The following RASA2 variants were observed in gnomAD, a reference collection of about 807,000 sequenced individuals.
RASA2 encodes the protein RAS p21 protein activator 2.
RASA2 carries 155 observed loss-of-function variants against 118.2 expected under a neutral mutation model. The observed-to-expected ratio is 1.31, with a 90% CI of 1.15 to 1.50. The LOEUF is 1.50. RASA2 is among the 40% of genes most tolerant of loss of function. RASA2 has a pLI of 0.00. For missense variants in RASA2, 1,016 were observed against 1,009.6 expected (o/e 1.01, Z -0.09); for synonymous variants, 353 against 349.1 (o/e 1.01, Z -0.12).
chr3:141,609,497 G>A lies in RASA2; in HGVS notation c.2303G>A (p.Ser768Asn). 1 of 1,596,610 alleles carries A rather than the reference G, an allele frequency of 6.3e-7. No homozygotes were observed. Among genetic ancestry groups the A allele is most frequent in the South Asian group, 1.1e-5 (1 of 90,084 alleles). Residue 768 changes from serine to asparagine, a missense_variant, in exon 22 of 24, where the codon AGT becomes AAT. Transcript: ENST00000286364. ...TERIYSLFTL[S>N]LLKLQKMEEA... is the part of the protein sequence containing the mutation. Reference sequence around the variant, plus strand: ...AGAATTTATTCCCTTTTTACCCTCAGTTTACTTAAGCTGCAGAAGATGGAA... The same window carrying A: ...AGAATTTATTCCCTTTTTACCCTCAATTTACTTAAGCTGCAGAAGATGGAA...
chr3:141,589,439 A>G (rs1385915429), intron 19 of RASA2, among the ~76,000 whole-genome samples: 1 of 152,224 alleles, frequency 6.6e-6, no homozygotes, highest in Non-Finnish European at 1.5e-5. Flanking sequence ...ACCTACAAAC[A>G]TAGACAAAAA....
chr3:141,522,630 G>C (rs930290513), intron 3 of RASA2, among the ~76,000 whole-genome samples: 1 of 152,130 alleles, frequency 6.6e-6, no homozygotes, highest in Admixed American at 6.5e-5. Context: ...GAATAGTGAA[G>C]TATAAGTCCT....
chr3:141,497,776 G>A (rs1330474243), intron 1 of RASA2, among the ~76,000 whole-genome samples: 1 of 151,568 alleles, frequency 6.6e-6, no homozygotes. Context: ...GAATGCTGAG[G>A]CCAGAGAATC....
At chr3:141,612,123 T>G (rs1374316244) in intron 23 of RASA2, among the ~76,000 whole-genome samples, 160 bp from the exon 24 acceptor site, 1 of 152,228 alleles carries the variant, frequency 6.6e-6, no homozygotes, top group Non-Finnish European at 1.5e-5. Context: ...GGTCTAAGAT[T>G]GAATAGGTGG....
chr3:141,526,587 A>G (rs2082188234), intron 3 of RASA2, among the ~76,000 whole-genome samples: 1 of 151,790 alleles, frequency 6.6e-6, no homozygotes, highest in South Asian at 2.1e-4. Flanking sequence ...AACTTCAAAT[A>G]TTTTTCTTAA....
chr3:141,535,352 T>C (rs1379838451), intron 4 of RASA2, among the ~76,000 whole-genome samples: 1 of 152,240 alleles, frequency 6.6e-6, no homozygotes, highest in East Asian at 1.9e-4. Context: ...AAGGTATGCC[T>C]GTAAAAACAT....
chr3:141,609,764 G>A, intron 22 of RASA2, 113 bp from the exon 23 acceptor site: 1 of 1,039,046 alleles, frequency 9.6e-7, no homozygotes, highest in Middle Eastern at 3.1e-4. Context: ...TCTCGGCTCT[G>A]CCAAGGGAAA....
intron 1 of RASA2, among the ~76,000 whole-genome samples, chr3:141,497,309 C>T (rs1044962455): frequency 7.9e-5 from 11 of 139,898 alleles, no homozygotes; most frequent in South Asian, 2.2e-4. Flanking sequence ...TACCCTAAAA[C>T]GTAAAGTATA....
chr3:141,609,244 A>G (rs1243698480), intron 21 of RASA2, among the ~76,000 whole-genome samples, 176 bp from the exon 22 acceptor site: 1 of 152,226 alleles, frequency 6.6e-6, no homozygotes, highest in Admixed American at 6.5e-5. Context: ...GAGTCACATA[A>G]CAACCAAAAC....
intron 15 of RASA2, chr3:141,578,514 A>C (rs2083048860): frequency 6.6e-6 from 1 of 152,248 alleles, no homozygotes; most frequent in African/African-American, 2.4e-5. Context: ...GCTACATGAC[A>C]TTGACACTCA....
chr3:141,491,784 G>T (rs1178086251), intron 1 of RASA2, among the ~76,000 whole-genome samples: 1 of 152,142 alleles, frequency 6.6e-6, no homozygotes, highest in Non-Finnish European at 1.5e-5. Flanking sequence ...TTTGAATATT[G>T]TTACTAATTG....
intron 1 of RASA2, among the ~76,000 whole-genome samples, chr3:141,507,552 G>C (rs1218643373): frequency 6.6e-6 from 1 of 152,164 alleles, no homozygotes; most frequent in East Asian, 1.9e-4. Flanking sequence ...ATGATCAGGA[G>C]TCTACTACTG....
At chr3:141,494,195 A>T (rs2081671070) in intron 1 of RASA2, among the ~76,000 whole-genome samples, 1 of 152,204 alleles carries the variant, frequency 6.6e-6, no homozygotes, top group East Asian at 1.9e-4. Context: ...TTCTAGATAG[A>T]TGTTAAATTG....
At chr3:141,555,945 A>G (rs1252393558) in intron 7 of RASA2, 33 bp downstream of exon 7, 4 of 1,481,112 alleles carry the variant, frequency 2.7e-6, no homozygotes, top group Non-Finnish European at 3.7e-6. Flanking sequence ...TGTTAACATT[A>G]AATATGTAAT....
intron 3 of RASA2, among the ~76,000 whole-genome samples, chr3:141,519,966 A>G (rs752677168): frequency 6.6e-6 from 1 of 151,438 alleles, no homozygotes; most frequent in Non-Finnish European, 1.5e-5. Flanking sequence ...CAGAGACTAC[A>G]TAGGTAGGAA....
At chr3:141,574,805 C>T (rs1447954392) in intron 14 of RASA2, among the ~76,000 whole-genome samples, 3 of 152,158 alleles carry the variant, frequency 2.0e-5, no homozygotes, top group African/African-American at 7.2e-5. Context: ...CTAGATTTGA[C>T]AGTTTGAGAA....
intron 4 of RASA2, among the ~76,000 whole-genome samples, chr3:141,535,250 CTT>C (rs1176251360): frequency 2.6e-5 from 4 of 152,232 alleles, no homozygotes; most frequent in African/African-American, 9.6e-5. Flanking sequence ...ATAAATGTAA[CTT>C]ATATACACTA....
intron 9 of RASA2, among the ~76,000 whole-genome samples, chr3:141,570,502 G>A (rs2082900820): frequency 1.3e-5 from 2 of 152,200 alleles, no homozygotes; most frequent in Non-Finnish European, 2.9e-5. Flanking sequence ...TTACAGTCAT[G>A]AGCCACTGCA....
chr3:141,539,710 C>T (rs376041215), intron 4 of RASA2, among the ~76,000 whole-genome samples: 43 of 152,134 alleles, frequency 2.8e-4, no homozygotes, highest in Admixed American at 2.8e-3. Flanking sequence ...GAATTGTTAG[C>T]GCAGAATTGC....
Sources: gnomAD v4.1 joint callset for allele counts (sites outside exome capture counted in the v4.1 genomes callset) on GRCh38, gnomAD v4.1.1 for gene constraint, MANE v1.5 for transcripts, NCBI Gene and HGNC (gene_info 2026-07-23, HGNC 2026-07-21) for gene names.